The following DDX54 variants were observed in gnomAD, a reference collection of about 807,000 sequenced individuals.
DDX54 encodes DEAD-box helicase 54.
In DDX54, 67 loss-of-function variants were observed where a neutral mutation model predicts 105.5. That is an observed-to-expected ratio of 0.64 (90% CI 0.52 to 0.78). The LOEUF is 0.78. Among genes scored for constraint, DDX54 ranks in the 30% least tolerant of loss-of-function variants. The pLI, the probability that DDX54 is intolerant of heterozygous loss-of-function variation, is 0.00. For synonymous variants in DDX54, 514 were observed against 509.9 expected (o/e 1.01, Z -0.11); for missense variants, 1,206 against 1,230.5 (o/e 0.98, Z 0.30).
Position 113,161,931 on chromosome 12 carries a change from C to T in DDX54, c.2262G>A (p.Glu754=), listed in dbSNP as rs775386837. ...AGGAGCTGCTGATGTAGCGGCCGCTCTCTGTCTTAATCTTCTTCTTGTCTT... is the reference window on the plus strand; with the variant it reads ...AGGAGCTGCTGATGTAGCGGCCGCTTTCTGTCTTAATCTTCTTCTTGTCTT... ...GQEDKKKIKT[E]SGRYISSSYK... Residue 754 remains glutamate, a synonymous_variant, in exon 18 of 20, where the codon GAG becomes GAA. Transcript: ENST00000306014. The T allele has an allele frequency of 1.8e-5, 29 of 1,613,046 alleles. No individual in the cohort carries two copies. The highest frequency in any genetic ancestry group is 6.7e-5 in the Admixed American group (4 of 59,980).
At chr12:113,182,910 G>A (rs1952483479) in intron 1 of DDX54, among the ~76,000 whole-genome samples, 1 of 147,630 alleles carries the variant, frequency 6.8e-6, no homozygotes, top group African/African-American at 2.5e-5. Context: ...GTTTCACTCA[G>A]TCTCCCAGGC....
intron 17 of DDX54, 146 bp downstream of exon 17, chr12:113,162,786 C>T (rs941198915): frequency 9.6e-6 from 7 of 730,786 alleles, no homozygotes; most frequent in African/African-American, 3.7e-5. Context: ...TCACTCACCC[C>T]GGGCATGGAG....
At chr12:113,168,108 AG>A (rs1343201054) in intron 12 of DDX54, among the ~76,000 whole-genome samples, 2 of 152,180 alleles carry the variant, frequency 1.3e-5, no homozygotes, top group African/African-American at 4.8e-5. Context: ...CAGGCCCCGC[AG>A]CCCTTTCCTG....
chr12:113,172,257 C>G (rs975453034), intron 11 of DDX54, 96 bp downstream of exon 11: 12 of 1,385,908 alleles, frequency 8.7e-6, no homozygotes, highest in Non-Finnish European at 1.2e-5. Context: ...CCCACAGCCA[C>G]CCCATGTGCA....
rs1322402994 is a variant in DDX54, at chr12:113,158,688, GTC to G, written c.*187_*188del. On this transcript the variant is annotated 3_prime_UTR_variant, in exon 20 of 20. Coordinates refer to ENST00000306014, the MANE Select transcript of DDX54 (RefSeq NM_024072.4). This position sits in a 1 kb window ranked among gnomAD's most constrained non-coding sequence, Gnocchi z 4.9. The stretch of plus-strand genomic sequence containing the variant: ...ACACCCTTCAAGGCCCTGTTCAAAT[GTC>G]TCTGTCTTAGGCTGACGCAGCTGCT... The G allele has an allele frequency of 4.6e-6, 3 of 656,166 alleles. No homozygotes were observed. The highest frequency in any genetic ancestry group is 7.4e-6 in the Non-Finnish European group (3 of 404,102). 40.6% of individuals were successfully genotyped at this position (656,166 alleles called of 1,614,324 possible).
intron 10 of DDX54, among the ~76,000 whole-genome samples, chr12:113,173,459 C>A (rs1207211964): frequency 6.6e-6 from 1 of 152,164 alleles, no homozygotes; most frequent in African/African-American, 2.4e-5. Context: ...TAAGTGAAAC[C>A]CAGTGAACCA....
At chr12:113,184,664 A>G (rs1268905914) in intron 1 of DDX54, among the ~76,000 whole-genome samples, 6 of 152,072 alleles carry the variant, frequency 3.9e-5, no homozygotes, top group Non-Finnish European at 8.8e-5. Context: ...CGTCTCTACA[A>G]AAAATTTAAA....
In DDX54 at chr12:113,157,617, C is replaced by T; in HGVS notation, c.*1260G>A. On this transcript the variant is annotated 3_prime_UTR_variant, in exon 20 of 20. Transcript: ENST00000306014. ...GCCCCCCCAGGTGAAGCTGTTCATG[C>T]AGGACCTCTCTGCCATGCTGGCCGG... is the stretch of plus-strand genomic sequence containing the variant. 1.9e-6 allele frequency: 3 copies of T among 1,551,668 alleles called. No individual in the cohort carries two copies. Among genetic ancestry groups the T allele is most frequent in the South Asian group, 1.2e-5 (1 of 84,062 alleles).
intron 10 of DDX54, 141 bp from the exon 11 acceptor site, chr12:113,172,704 C>T: frequency 9.6e-7 from 1 of 1,037,796 alleles, no homozygotes; most frequent in South Asian, 1.6e-5. Flanking sequence ...TGGTCTGAAT[C>T]CCAGCTTGCT....
Position 113,162,705 on chromosome 12 carries a change from C to T in DDX54, c.2195+227G>A, listed in dbSNP as rs1193196164. 5.8e-6 allele frequency: 3 copies of T among 517,952 alleles called. No homozygotes were observed. The East Asian group carries it at 1.0e-4, about 18-fold the overall frequency. 32.1% of individuals were successfully genotyped at this position (517,952 alleles called of 1,614,324 possible). A position where few individuals can be genotyped will look rare whatever the true frequency, so the allele number is the denominator to read the frequency against. ...TGGAGGTAGGGGAGGCTCACTCGCT[C>T]ACTCACCCCAGGCATGGAGGGGCAG... On this transcript the variant is annotated intron_variant, in intron 17 of 19. Transcript: ENST00000306014.
intron 12 of DDX54, among the ~76,000 whole-genome samples, chr12:113,169,115 G>C (rs2136318781): frequency 6.6e-6 from 1 of 152,198 alleles, no homozygotes; most frequent in East Asian, 1.9e-4. Context: ...CAGGAAGCCT[G>C]TCTAATGGGG....
rs369560610 is a variant in DDX54 at position 113,179,908 on chromosome 12, T to A, written c.375+27A>T. 2.3e-5 allele frequency: 37 copies of A among 1,613,688 alleles called. No individual in the cohort carries two copies. The Admixed American group carries it at 4.5e-4, about 20-fold the overall frequency. Reference sequence around the variant, plus strand: ...GGGCCATGTCACTCCTCCCTCGCCCTCACCCGTCGACCGCCCCACCCCTCA... The same window carrying A: ...GGGCCATGTCACTCCTCCCTCGCCCACACCCGTCGACCGCCCCACCCCTCA... On this transcript the variant is annotated intron_variant, in intron 3 of 19. Coordinates refer to ENST00000306014, the MANE Select transcript of DDX54 (RefSeq NM_024072.4).
At chr12:113,177,203 C>T in intron 5 of DDX54, 110 bp from the exon 6 acceptor site, 1 of 1,341,490 alleles carries the variant, frequency 7.5e-7, no homozygotes, top group African/African-American at 1.4e-5. Flanking sequence ...AACACAGACC[C>T]AAGGCTTGGA....
rs1013387828 is a variant in DDX54 at position 113,169,960 on chromosome 12, T to A, written c.1280-56A>T. Reference sequence around the variant, plus strand: ...AGCAAAGAAGGACCCGGACCCAGCATGAGTTCCACAGGCCAGACCCTGAGC... The same window carrying A: ...AGCAAAGAAGGACCCGGACCCAGCAAGAGTTCCACAGGCCAGACCCTGAGC... On this transcript the variant is annotated intron_variant, in intron 11 of 19. Coordinates refer to ENST00000306014, the MANE Select transcript of DDX54 (RefSeq NM_024072.4). 1.2e-5 allele frequency: 19 copies of A among 1,601,200 alleles called. 1 individual carries two copies. In the African/African-American group the frequency reaches 2.5e-4, roughly 21 times the overall value.
intron 12 of DDX54, among the ~76,000 whole-genome samples, chr12:113,166,710 A>G (rs1399776466): frequency 6.6e-6 from 1 of 151,874 alleles, no homozygotes; most frequent in African/African-American, 2.4e-5. Flanking sequence ...TCTCTTAAAA[A>G]CAAAAAAACA....
chr12:113,176,846 G>A lies in DDX54; in HGVS notation c.746C>T (p.Ala249Val), dbSNP rs749317730. The change falls in exon 7 of 20, where the codon GCT (alanine) becomes GTT (valine). Residue 249 changes from alanine to valine, a missense_variant. This residue lies in a region of DDX54 where 961 missense variants were observed against 1,019.1 expected (regional missense o/e 0.94). Transcript: ENST00000306014. ...GCTGGACCTGCAGCCTTACCGGTCA[G>A]CTTCATCGAACACCACGTATTCCAC... ...QSVEYVVFDE[A>V]DRLFEMGFAE... The A allele has an allele frequency of 4.3e-6, 7 of 1,614,012 alleles. No homozygotes were observed. In the Admixed American group the frequency reaches 1.2e-4, roughly 27 times the overall value.
At chr12:113,177,950 C>G (rs1318836801) in intron 5 of DDX54, among the ~76,000 whole-genome samples, 1 of 152,186 alleles carries the variant, frequency 6.6e-6, no homozygotes. Context: ...TTTCTAACAG[C>G]CCACAGCCAG....
Position 113,158,928 on chromosome 12 carries a change from G to T in DDX54, c.2595C>A (p.Ala865=). The change falls in exon 20 of 20, where the codon GCC becomes GCA. Residue 865 remains alanine (A), a synonymous_variant. Coordinates refer to ENST00000306014, the MANE Select transcript of DDX54 (RefSeq NM_024072.4). This position sits in a 1 kb window ranked among gnomAD's most constrained non-coding sequence, Gnocchi z 4.9. ...RRRVQELQQG[A]FGRGARSKKG... ...TCTTGGAGCGGGCACCCCGGCCGAAGGCGCCCTGCTGCAGCTCCTGGACGC... is the reference window on the plus strand; with the variant it reads ...TCTTGGAGCGGGCACCCCGGCCGAATGCGCCCTGCTGCAGCTCCTGGACGC... 6.2e-7 allele frequency: 1 copy of T among 1,609,646 alleles called. No homozygotes were observed. The highest frequency in any genetic ancestry group is 1.1e-5 in the South Asian group (1 of 90,906).
chr12:113,165,814 G>T lies in DDX54; in HGVS notation c.1633C>A (p.His545Asn). 2 of 1,604,996 alleles carry T rather than the reference G, an allele frequency of 1.2e-6. No homozygotes were observed. Among genetic ancestry groups the T allele is most frequent in the Non-Finnish European group, 1.7e-6 (2 of 1,173,846 alleles). ...KEMDLVGLGLHPLFSSRFEEE... is the reference protein window; with the variant it reads ...KEMDLVGLGLNPLFSSRFEEE... Reference sequence around the variant, plus strand: ...TAGAAGGACTCACTGAAGAGGGGGTGCAGGCCCAGCCCCACAAGGTCCATC... The same window carrying T: ...TAGAAGGACTCACTGAAGAGGGGGTTCAGGCCCAGCCCCACAAGGTCCATC... Residue 545 changes from histidine (H) to asparagine (N), a missense_variant, in exon 13 of 20, where the codon CAC becomes AAC. Physicochemically the swap from His to Asn is moderately conservative, Grantham distance 68. This residue lies in a region of DDX54 where 961 missense variants were observed against 1,019.1 expected (regional missense o/e 0.94). Transcript: ENST00000306014.
Sources: gnomAD v4.1 joint callset for allele counts (sites outside exome capture counted in the v4.1 genomes callset) on GRCh38, gnomAD v4.1.1 for gene constraint, gnomAD v4.1.1 regional missense constraint, Gnocchi (gnomAD v3.1) non-coding constraint, MANE v1.5 for transcripts, NCBI Gene and HGNC (gene_info 2026-07-23, HGNC 2026-07-21) for gene names.